The following ZHX3 variants were observed in gnomAD, a reference collection of about 807,000 sequenced individuals.
ZHX3 encodes zinc fingers and homeoboxes 3, also known as zinc fingers and homeoboxes protein 3.
A neutral mutation model predicts 64.5 loss-of-function variants in ZHX3; 20 were observed. The ratio of observed to expected loss-of-function variants is 0.31; its 90% CI spans 0.22 to 0.45. The LOEUF is 0.45. ZHX3 is among the 20% of genes least tolerant of loss of function. The pLI is 1.00. For synonymous variants in ZHX3, 423 were observed against 461.6 expected (o/e 0.92, Z 1.07); for missense variants, 1,041 against 1,195.8 (o/e 0.87, Z 1.91).
rs1274342271 is a variant in ZHX3, at chr20:41,201,852, CAAAA to C, written c.2860+201_2860+204del. 2.0e-5 allele frequency among the ~76,000 whole-genome samples: 3 copies of C among 152,124 alleles called. No homozygotes were observed. Among genetic ancestry groups the C allele is most frequent in the Middle Eastern group, 3.2e-3 (1 of 316 alleles). On this transcript the variant is annotated intron_variant, in intron 3 of 3. Coordinates refer to ENST00000683867, the MANE Select transcript of ZHX3 (RefSeq NM_001384317.1). The surrounding 1 kb of genome is among the most constrained non-coding windows in gnomAD (Gnocchi z 5.0). ...CGCAGGTTTTTAAAAACACATGAAACAAAAAACAGCTCTCAACCGTTTATCATAT... is the reference window on the plus strand; with the variant it reads ...CGCAGGTTTTTAAAAACACATGAAACAACAGCTCTCAACCGTTTATCATAT...
At chr20:41,313,332 G>A (rs1222700529) in intron 1 of ZHX3, among the ~76,000 whole-genome samples, 3 of 152,140 alleles carry the variant, frequency 2.0e-5, no homozygotes, top group African/African-American at 7.2e-5. Context: ...GAGAAAGGGT[G>A]GGGAGACGTA....
Position 41,232,861 on chromosome 20 carries a change from A to T in ZHX3, c.-150-27795T>A, listed in dbSNP as rs1459387556. ...CGGCCTCCCAAAGTGCTGGGATTAC[A>T]GGCATGAGCCACCACGCCCGGCTGG... On this transcript the variant is annotated intron_variant, in intron 2 of 3. Coordinates refer to ENST00000683867, the MANE Select transcript of ZHX3 (RefSeq NM_001384317.1). This position sits in a 1 kb window ranked among gnomAD's most constrained non-coding sequence, Gnocchi z 5.0. 6.6e-6 allele frequency among the ~76,000 whole-genome samples: 1 copy of T among 152,230 alleles called. No individual in the cohort carries two copies. Among genetic ancestry groups the T allele is most frequent in the African/African-American group, 2.4e-5 (1 of 41,472 alleles).
chr20:41,203,452 G>C lies in ZHX3; in HGVS notation c.1465C>G (p.Gln489Glu). The C allele has an allele frequency of 6.2e-7, 1 of 1,614,192 alleles. No individual in the cohort carries two copies. Among genetic ancestry groups the C allele is most frequent in the Non-Finnish European group, 8.5e-7 (1 of 1,180,036 alleles). ...LLTACPSITS[Q>E]AFLDASIYKN... ...TAGATGCTAGCATCAAGGAAGGCTT[G>C]GGAGGTTATGCTGGGGCAGGCCGTG... The change falls in exon 3 of 4, where the codon CAA becomes GAA. Residue 489 changes from glutamine (Q) to glutamate (E), a missense_variant. Physicochemically the swap from Gln to Glu is conservative, Grantham distance 29. Transcript: ENST00000683867. This position sits in a 1 kb window ranked among gnomAD's most constrained non-coding sequence, Gnocchi z 7.1.
At position 41,269,884 on chromosome 20, in the gene ZHX3, CA is replaced by C. The variant is rs758453044; in HGVS notation, c.-244-802del. Among the ~76,000 whole-genome samples, 422 of 140,086 alleles carry C rather than the reference CA, an allele frequency of 3.0e-3. 1 individual carries two copies. Among genetic ancestry groups the C allele is most frequent in the Middle Eastern group, 7.4e-3 (2 of 270 alleles). 91.9% of individuals were successfully genotyped at this position (140,086 alleles called of 152,430 possible). A position where few individuals can be genotyped will look rare whatever the true frequency, so the allele number is the denominator to read the frequency against. On this transcript the variant is annotated intron_variant, in intron 1 of 3. Coordinates refer to ENST00000683867, the MANE Select transcript of ZHX3 (RefSeq NM_001384317.1). ...GAATGTACACATTTTTTTTGCCCCT[CA>C]AAAAAAAAAAAATCCCTCACCCAAG...
chr20:41,198,709 T>G (rs1458223720), intron 3 of ZHX3, among the ~76,000 whole-genome samples: 4 of 152,142 alleles, frequency 2.6e-5, no homozygotes, highest in African/African-American at 9.7e-5. Context: ...ATTGAGCTTT[T>G]TGGATGTGTA....
Position 41,204,681 on chromosome 20 carries a change from C to T in ZHX3, c.236G>A (p.Cys79Tyr). 1.9e-6 allele frequency: 3 copies of T among 1,614,226 alleles called. No homozygotes were observed. ...RSTLDGYLYS[C>Y]KYCDFRSHDM... is the part of the protein sequence containing the mutation. ...ATGGGATCTGAAATCGCAGTATTTA[C>T]AGGAATATAAATAGCCATCTAAAGT... The change falls in exon 3 of 4, where the codon TGT becomes TAT. Residue 79 changes from cysteine to tyrosine, a missense_variant. Around this residue, in one of 4 missense-constraint regions of ZHX3, gnomAD observed 358 missense variants for 369.1 expected, o/e 0.97. Transcript: ENST00000683867. The surrounding 1 kb of genome is among the most constrained non-coding windows in gnomAD (Gnocchi z 6.6).
intron 2 of ZHX3, among the ~76,000 whole-genome samples, chr20:41,214,479 A>G (rs1190855211): frequency 1.3e-5 from 2 of 152,192 alleles, no homozygotes; most frequent in Admixed American, 1.3e-4. Flanking sequence ...GCTCTCTGAG[A>G]AACCTCCAGA....
At position 41,201,136 on chromosome 20, in the gene ZHX3, C is replaced by CA; in HGVS notation, c.2860+920dup. 2.2e-6 allele frequency: 1 copy of CA among 450,758 alleles called. No individual in the cohort carries two copies. The highest frequency in any genetic ancestry group is 2.1e-5 in the African/African-American group (1 of 47,808). 27.9% of individuals were successfully genotyped at this position (450,758 alleles called of 1,614,324 possible). ...GGCCCCACACTGAGGCAGCTCATGC[C>CA]AAAGTCACCACGGAACCATCACATT... On this transcript the variant is annotated intron_variant, in intron 3 of 3. Transcript: ENST00000683867. The surrounding 1 kb of genome is among the most constrained non-coding windows in gnomAD (Gnocchi z 5.0).
At position 41,288,479 on chromosome 20, in the gene ZHX3, A is replaced by G. The variant is rs536470800; in HGVS notation, c.-244-19396T>C. ...AATACATGGTTAAAAATTATATTCT[A>G]TAATGTTTATTACAAATTTAGAAAA... is the stretch of plus-strand genomic sequence containing the variant. On this transcript the variant is annotated intron_variant, in intron 1 of 3. Coordinates refer to ENST00000683867, the MANE Select transcript of ZHX3 (RefSeq NM_001384317.1). Among the ~76,000 whole-genome samples, 121 of 152,364 alleles carry G rather than the reference A, an allele frequency of 7.9e-4. 2 individuals are homozygous for G. Among genetic ancestry groups the G allele is most frequent in the African/African-American group, 2.9e-3 (119 of 41,580 alleles).
intron 2 of ZHX3, among the ~76,000 whole-genome samples, chr20:41,243,058 G>A (rs970681531): frequency 1.3e-5 from 2 of 152,156 alleles, no homozygotes; most frequent in African/African-American, 4.8e-5. Context: ...AGACTTCTGG[G>A]TACCCAGGTC....
At chr20:41,251,052 A>G (rs2041967773) in intron 2 of ZHX3, among the ~76,000 whole-genome samples, 1 of 152,236 alleles carries the variant, frequency 6.6e-6, no homozygotes. Context: ...AAGTGGCACA[A>G]CATTTTTATG....
chr20:41,225,439 T>A (rs913347521), intron 2 of ZHX3, among the ~76,000 whole-genome samples: 4 of 152,222 alleles, frequency 2.6e-5, no homozygotes, highest in Non-Finnish European at 5.9e-5. Flanking sequence ...TCTTTCTTTT[T>A]AAAAAATTGT....
Position 41,203,044 on chromosome 20 carries a change from T to G in ZHX3, c.1873A>C (p.Arg625=), listed in dbSNP as rs1383982022. The part of the protein sequence containing the change: ...KYKERAPEQL[R]ALESSFAQNP... ...TGTGCAAAACTGCTCTCCAGGGCTC[T>G]GAGCTGCTCAGGGGCTCTCTCCTTG... The change falls in exon 3 of 4, where the codon AGA becomes CGA. Residue 625 remains arginine (R), a synonymous_variant. Transcript: ENST00000683867. The surrounding 1 kb of genome is among the most constrained non-coding windows in gnomAD (Gnocchi z 7.1). 6.2e-7 allele frequency: 1 copy of G among 1,614,110 alleles called. No homozygotes were observed. Among genetic ancestry groups the G allele is most frequent in the East Asian group, 2.2e-5 (1 of 44,892 alleles).
intron 2 of ZHX3, among the ~76,000 whole-genome samples, chr20:41,237,844 A>G (rs1373450464): frequency 6.6e-6 from 1 of 152,260 alleles, no homozygotes; most frequent in Non-Finnish European, 1.5e-5. Flanking sequence ...TTTATTAAAC[A>G]CAAGGTTCTA....
chr20:41,297,367 C>A (rs2044587141), intron 1 of ZHX3, among the ~76,000 whole-genome samples: 1 of 152,190 alleles, frequency 6.6e-6, no homozygotes, highest in Non-Finnish European at 1.5e-5. Flanking sequence ...TGTGAATTGA[C>A]AAGAAGTTCT....
At chr20:41,196,725 C>A in intron 3 of ZHX3, 1 of 189,086 alleles carries the variant, frequency 5.3e-6, no homozygotes, top group Admixed American at 5.1e-5. Context: ...TAAAGCTGAT[C>A]CCAAAGTGAA....
At chr20:41,194,061 C>T (rs766588079) in intron 3 of ZHX3, among the ~76,000 whole-genome samples, 5 of 152,078 alleles carry the variant, frequency 3.3e-5, no homozygotes, top group African/African-American at 9.7e-5. Context: ...TTCTTCCTTT[C>T]GAACTTGGAT....
Position 41,204,859 on chromosome 20 carries a change from A to C in ZHX3, c.58T>G (p.Leu20Val). The C allele has an allele frequency of 6.3e-7, 1 of 1,584,136 alleles. No homozygotes were observed. The highest frequency in any genetic ancestry group is 2.2e-5 in the East Asian group (1 of 44,666). ...PCMIPVKTVV[L>V]QDASMEAQPA... ...TGGGCCTCCATGCTGGCATCTTGCA[A>C]CACCACAGTCTTCACTGGGATCATG... The change falls in exon 3 of 4, where the codon TTG becomes GTG. Residue 20 changes from leucine (L) to valine (V), a missense_variant. Physicochemically the swap from Leu to Val is conservative, Grantham distance 32. Transcript: ENST00000683867. The surrounding 1 kb of genome is among the most constrained non-coding windows in gnomAD (Gnocchi z 6.6).
chr20:41,199,573 A>G (rs1192234067), intron 3 of ZHX3, among the ~76,000 whole-genome samples: 1 of 152,174 alleles, frequency 6.6e-6, no homozygotes, highest in East Asian at 1.9e-4. Context: ...GAAAAAAAAA[A>G]ATAGGTACTG....
Sources: gnomAD v4.1 joint callset for allele counts (sites outside exome capture counted in the v4.1 genomes callset) on GRCh38, gnomAD v4.1.1 for gene constraint, gnomAD v4.1.1 regional missense constraint, Gnocchi (gnomAD v3.1) non-coding constraint, MANE v1.5 for transcripts, NCBI Gene and HGNC (gene_info 2026-07-23, HGNC 2026-07-21) for gene names.